The following ARID2 variants were observed in gnomAD, a reference collection of about 807,000 sequenced individuals.
ARID2 encodes the protein AT-rich interaction domain 2, also known as AT-rich interactive domain-containing protein 2.
A neutral mutation model predicts 184.6 loss-of-function variants in ARID2; 32 were observed. That is an observed-to-expected ratio of 0.17 (90% CI 0.13 to 0.23). ARID2 has a LOEUF of 0.23. ARID2 is among the 10% of genes least tolerant of loss of function. The pLI is 1.00. For missense variants in ARID2, 1,696 were observed against 2,197.6 expected (o/e 0.77, Z 4.56); for synonymous variants, 836 against 772.6 (o/e 1.08, Z -1.36).
At chr12:45,777,456 G>A (rs1942006259) in intron 3 of ARID2, among the ~76,000 whole-genome samples, 1 of 152,056 alleles carries the variant, frequency 6.6e-6, no homozygotes, top group Non-Finnish European at 1.5e-5. Context: ...CACATTAAAT[G>A]TACAGAGCTG....
rs79144824 is a variant in ARID2 at position 45,889,348 on chromosome 12, A to T, written c.4923-2432A>T. Among the ~76,000 whole-genome samples the T allele has an allele frequency of 6.1e-3, 925 of 152,336 alleles. 16 individuals are homozygous for T. Among genetic ancestry groups the T allele is most frequent in the African/African-American group, 0.021 (863 of 41,574 alleles). ...TTAGCATTTTAGTATACTTGGCTAT[A>T]TATCACAGGTAATTTTTATTTTTAT... On this transcript the variant is annotated intron_variant, in intron 16 of 20. Transcript: ENST00000334344.
Position 45,850,946 on chromosome 12 carries a change from A to G in ARID2, c.2823A>G (p.Pro941=), listed in dbSNP as rs1178358309. ...CTCAACAAGGTCAAACTTATGCACC[A>G]GCCATTCACCAAATTGTTCTTGCTA... The part of the protein sequence containing the change: ...QPAQQGQTYA[P]AIHQIVLANP... Residue 941 remains proline, a synonymous_variant, in exon 15 of 21, where the codon CCA becomes CCG. Transcript: ENST00000334344. The G allele has an allele frequency of 6.2e-7, 1 of 1,614,080 alleles. No homozygotes were observed. The highest frequency in any genetic ancestry group is 1.3e-5 in the African/African-American group (1 of 74,928).
chr12:45,763,341 G>T (rs1013771150), intron 3 of ARID2, among the ~76,000 whole-genome samples: 1 of 151,960 alleles, frequency 6.6e-6, no homozygotes, highest in Admixed American at 6.6e-5. Flanking sequence ...GTGGAGGCAG[G>T]CACCTGTAAT....
chr12:45,846,103 A>C (rs1167681320), intron 11 of ARID2: 4 of 152,170 alleles, frequency 2.6e-5, no homozygotes, highest in Non-Finnish European at 5.9e-5. Context: ...TTGACCTTGA[A>C]ACTTTTAGAA....
chr12:45,790,223 A>G (rs1942270773), intron 3 of ARID2, among the ~76,000 whole-genome samples: 1 of 152,106 alleles, frequency 6.6e-6, no homozygotes, highest in Admixed American at 6.6e-5. Flanking sequence ...TTAAATGTTC[A>G]TCTTTTTTAT....
chr12:45,881,364 C>A, intron 16 of ARID2: 1 of 165,406 alleles, frequency 6.0e-6, no homozygotes, highest in East Asian at 1.5e-4. Flanking sequence ...AACATAACCT[C>A]TGTGTCTGTC....
intron 20 of ARID2, among the ~76,000 whole-genome samples, chr12:45,898,781 G>A (rs555290302): frequency 2.0e-5 from 3 of 152,238 alleles, no homozygotes; most frequent in South Asian, 4.1e-4. Flanking sequence ...GCTGGGCATG[G>A]TGGCGCATGC....
intron 20 of ARID2, among the ~76,000 whole-genome samples, chr12:45,900,261 A>G (rs1322038536): frequency 6.6e-6 from 1 of 152,056 alleles, no homozygotes; most frequent in Admixed American, 6.6e-5. Context: ...GGGTTTCACC[A>G]TGTGGGCCAG....
intron 3 of ARID2, among the ~76,000 whole-genome samples, chr12:45,778,216 A>C (rs1452367617): frequency 6.6e-6 from 1 of 152,080 alleles, no homozygotes; most frequent in Non-Finnish European, 1.5e-5. Flanking sequence ...AAAAAAAAAG[A>C]ATGCTTAAAA....
chr12:45,758,573 A>G (rs1183022140), intron 3 of ARID2, among the ~76,000 whole-genome samples: 4 of 152,200 alleles, frequency 2.6e-5, no homozygotes, highest in African/African-American at 7.2e-5. Context: ...TTAAGTAACA[A>G]TGGCTTAACA....
In ARID2 at chr12:45,837,601, T is replaced by G; in HGVS notation, c.1224T>G (p.Thr408=). ...DSYREIICHL[T]LPDVLLVIST... is the part of the protein sequence containing the mutation. ...ACAGAGAGATCATTTGTCATCTCAC[T>G]TTACCTGATGTGCTGCTTGTAATCT... The change falls in exon 10 of 21, where the codon ACT becomes ACG. Residue 408 remains threonine (T), a synonymous_variant. Coordinates refer to ENST00000334344, the MANE Select transcript of ARID2 (RefSeq NM_152641.4). The G allele has an allele frequency of 6.2e-7, 1 of 1,614,084 alleles. No individual in the cohort carries two copies. The highest frequency in any genetic ancestry group is 8.5e-7 in the Non-Finnish European group (1 of 1,179,992).
chr12:45,795,340 G>A (rs533286033), intron 3 of ARID2, among the ~76,000 whole-genome samples: 53 of 152,244 alleles, frequency 3.5e-4, no homozygotes, highest in Non-Finnish European at 6.9e-4. Context: ...CGCCACAGGA[G>A]CCTCTGGATA....
intron 3 of ARID2, among the ~76,000 whole-genome samples, chr12:45,778,163 G>A (rs1053300062): frequency 3.9e-5 from 6 of 152,128 alleles, no homozygotes; most frequent in South Asian, 2.1e-4. Context: ...CCGAGATTGC[G>A]CCATTGCGCT....
intron 3 of ARID2, among the ~76,000 whole-genome samples, chr12:45,764,627 T>C (rs1354238228): frequency 6.6e-6 from 1 of 152,244 alleles, no homozygotes; most frequent in African/African-American, 2.4e-5. Flanking sequence ...TGAAGCCTTT[T>C]AAGCCTGGCT....
At chr12:45,801,590 G>A (rs1565601484) in intron 3 of ARID2, among the ~76,000 whole-genome samples, 2 of 152,146 alleles carry the variant, frequency 1.3e-5, no homozygotes, top group Admixed American at 1.3e-4. Context: ...ATACACTAGG[G>A]TAACAATTCA....
At chr12:45,752,528 T>G (rs1370578006) in intron 3 of ARID2, among the ~76,000 whole-genome samples, 2 of 152,210 alleles carry the variant, frequency 1.3e-5, no homozygotes, top group Non-Finnish European at 2.9e-5. Context: ...GTTTTCTGTT[T>G]TGTTTTTTTA....
chr12:45,792,493 G>A (rs181713061), intron 3 of ARID2, among the ~76,000 whole-genome samples: 414 of 152,274 alleles, frequency 2.7e-3, no homozygotes, highest in African/African-American at 9.6e-3. Flanking sequence ...GTTGTGCATT[G>A]TAACGCAGAG....
intron 6 of ARID2, among the ~76,000 whole-genome samples, 193 bp downstream of exon 6, chr12:45,821,680 A>T (rs1942900047): frequency 6.6e-6 from 1 of 152,206 alleles, no homozygotes; most frequent in Non-Finnish European, 1.5e-5. Context: ...CCACGAACAG[A>T]CATAAAATTT....
At chr12:45,864,632 GT>G (rs1229938663) in intron 16 of ARID2, among the ~76,000 whole-genome samples, 1 of 151,826 alleles carries the variant, frequency 6.6e-6, no homozygotes, top group Non-Finnish European at 1.5e-5. Context: ...TGGTAGTTTG[GT>G]CCAAATATTT....
Sources: gnomAD v4.1 joint callset for allele counts (sites outside exome capture counted in the v4.1 genomes callset) on GRCh38, gnomAD v4.1.1 for gene constraint, MANE v1.5 for transcripts, NCBI Gene and HGNC (gene_info 2026-07-23, HGNC 2026-07-21) for gene names.